Variants in SCN11A observed in about 807,000 individuals in gnomAD.
SCN11A encodes the protein sodium channel protein type 11 subunit alpha.
In SCN11A, 122 loss-of-function variants were observed where a neutral mutation model predicts 162.2. The ratio of observed to expected loss-of-function variants is 0.75; its 90% CI spans 0.65 to 0.87. The LOEUF (loss-of-function observed/expected upper bound fraction) is 0.87, where lower values mean the gene tolerates loss of function less well. SCN11A is among the 40% of genes least tolerant of loss of function. The pLI, the probability that SCN11A is intolerant of heterozygous loss-of-function variation, is 0.00. For missense variants in SCN11A, 2,015 were observed against 2,181.6 expected (o/e 0.92, Z 1.52); for synonymous variants, 758 against 751.5 (o/e 1.01, Z -0.14).
intron 15 of SCN11A, 79 bp from the exon 16 acceptor site, chr3:38,904,182 T>C (rs1490270788): frequency 2.4e-6 from 2 of 848,354 alleles, no homozygotes; most frequent in Non-Finnish European, 3.6e-6. Context: ...CATTCCTTCC[T>C]CCCTCTTCCC....
intron 7 of SCN11A, among the ~76,000 whole-genome samples, chr3:38,942,826 A>G (rs2066460738): frequency 6.6e-6 from 1 of 152,202 alleles, no homozygotes; most frequent in African/African-American, 2.4e-5. Context: ...AGCAAATTGA[A>G]TGAAAAAATT....
intron 19 of SCN11A, among the ~76,000 whole-genome samples, chr3:38,887,810 G>A (rs1389666206): frequency 1.3e-5 from 2 of 152,176 alleles, no homozygotes; most frequent in African/African-American, 4.8e-5. Flanking sequence ...TTGGGTGAAT[G>A]TTTTATCCTA....
At chr3:38,876,713 G>A (rs563706110) in intron 23 of SCN11A, among the ~76,000 whole-genome samples, 38 of 152,088 alleles carry the variant, frequency 2.5e-4, no homozygotes, top group Admixed American at 3.9e-4. Context: ...AGATGTTGGC[G>A]TGGATGTGGT....
intron 1 of SCN11A, among the ~76,000 whole-genome samples, 123 bp from the exon 2 acceptor site, chr3:39,032,626 A>T (rs2031789407): frequency 6.6e-6 from 1 of 152,236 alleles, no homozygotes; most frequent in African/African-American, 2.4e-5. Context: ...GAAAATTTTT[A>T]AAAAGTGATA....
rs2065618013 is a variant in SCN11A, at chr3:38,897,195, G to A, written c.2053C>T (p.Pro685Ser). Residue 685 changes from proline (P) to serine (S), a missense_variant, in exon 18 of 30, where the codon CCA becomes TCA. By Grantham distance (74) the Pro-to-Ser change is moderately conservative (BLOSUM62 -1). Transcript: ENST00000302328. ...LRVFKLAKSW[P>S]TLNTLIKIIG... ...ATCTTAATTAGTGTGTTCAAAGTTG[G>A]CCAGGATTTGGCTAACTTGAAGACC... 1.2e-6 allele frequency: 2 copies of A among 1,611,658 alleles called. No homozygotes were observed. The highest frequency in any genetic ancestry group is 1.7e-6 in the Non-Finnish European group (2 of 1,178,896).
chr3:39,048,852 T>G (rs2032250907), intron 1 of SCN11A, among the ~76,000 whole-genome samples: 1 of 152,232 alleles, frequency 6.6e-6, no homozygotes, highest in Non-Finnish European at 1.5e-5. Flanking sequence ...AACCAAATAG[T>G]GCTGTGGAAA....
intron 2 of SCN11A, among the ~76,000 whole-genome samples, chr3:39,016,467 C>T (rs190330061): frequency 1.1e-4 from 14 of 125,490 alleles, no homozygotes; most frequent in Non-Finnish European, 2.0e-4. Flanking sequence ...CACCTGGCAT[C>T]ATTTTCCTAT....
chr3:38,942,088 T>A (rs534782003), intron 7 of SCN11A, among the ~76,000 whole-genome samples: 2 of 152,262 alleles, frequency 1.3e-5, no homozygotes, highest in South Asian at 2.1e-4. Context: ...AATATTTAAA[T>A]GAGTATTATT....
chr3:38,970,971 A>G (rs2066812851), intron 2 of SCN11A, among the ~76,000 whole-genome samples: 1 of 152,152 alleles, frequency 6.6e-6, no homozygotes, highest in African/African-American at 2.4e-5. Context: ...AAGTAGAGGC[A>G]GAGCTGCTAC....
intron 11 of SCN11A, among the ~76,000 whole-genome samples, chr3:38,916,401 T>C (rs1665991501): frequency 6.6e-6 from 1 of 152,238 alleles, no homozygotes; most frequent in Non-Finnish European, 1.5e-5. Flanking sequence ...TACATCTTCA[T>C]GATCCTTATT....
chr3:38,920,129 G>A, intron 10 of SCN11A, 128 bp from the exon 11 acceptor site: 1 of 699,144 alleles, frequency 1.4e-6, no homozygotes, highest in Non-Finnish European at 2.4e-6. Context: ...AAGGAGGTGT[G>A]TCCAGAGAGA....
intron 17 of SCN11A, among the ~76,000 whole-genome samples, chr3:38,897,879 C>T (rs1007405705): frequency 1.2e-4 from 19 of 152,142 alleles, no homozygotes; most frequent in African/African-American, 3.9e-4. Flanking sequence ...GAGCCAAATA[C>T]AGTCCATTGC....
At chr3:38,861,679 G>A (rs1256267120) in intron 28 of SCN11A, among the ~76,000 whole-genome samples, 1 of 152,104 alleles carries the variant, frequency 6.6e-6, no homozygotes, top group African/African-American at 2.4e-5. Flanking sequence ...GGGATAATTG[G>A]CAATTTGCAT....
chr3:38,866,392 G>A (rs890316350), intron 27 of SCN11A, among the ~76,000 whole-genome samples: 2 of 151,970 alleles, frequency 1.3e-5, no homozygotes, highest in Admixed American at 1.3e-4. Context: ...TTAATTTTTT[G>A]TATTTTTAGT....
At chr3:38,861,798 A>G (rs1186284055) in intron 28 of SCN11A, among the ~76,000 whole-genome samples, 3 of 152,158 alleles carry the variant, frequency 2.0e-5, no homozygotes, top group Admixed American at 1.3e-4. Context: ...AGAATATAAC[A>G]TCAAGAAAAC....
chr3:38,881,963 A>G (rs1320070633), intron 22 of SCN11A, among the ~76,000 whole-genome samples: 1 of 152,098 alleles, frequency 6.6e-6, no homozygotes, highest in Non-Finnish European at 1.5e-5. Context: ...CTGCTTTCCC[A>G]CTGCCTATAT....
intron 5 of SCN11A, among the ~76,000 whole-genome samples, chr3:38,948,646 G>A (rs1405962250): frequency 6.6e-6 from 1 of 152,202 alleles, no homozygotes; most frequent in Non-Finnish European, 1.5e-5. Context: ...TGACTGTTGA[G>A]GGCACTGGTC....
At chr3:38,881,619 T>G (rs1259943952) in intron 22 of SCN11A, among the ~76,000 whole-genome samples, 1 of 152,180 alleles carries the variant, frequency 6.6e-6, no homozygotes, top group Non-Finnish European at 1.5e-5. Flanking sequence ...CCTAGGGAAC[T>G]TGTTACAATG....
At chr3:39,014,022 T>C (rs2031219926) in intron 2 of SCN11A, among the ~76,000 whole-genome samples, 1 of 152,262 alleles carries the variant, frequency 6.6e-6, no homozygotes, top group Non-Finnish European at 1.5e-5. Flanking sequence ...CCTTTTTCCA[T>C]TACCCATTCC....
Sources: gnomAD v4.1 joint callset for allele counts (sites outside exome capture counted in the v4.1 genomes callset) on GRCh38, gnomAD v4.1.1 for gene constraint, MANE v1.5 for transcripts, NCBI Gene and HGNC (gene_info 2026-07-23, HGNC 2026-07-21) for gene names.